The following CFAP95 variants were observed in gnomAD, a reference collection of about 807,000 sequenced individuals.
CFAP95 encodes cilia and flagella associated protein 95.
the CFAP95 span, among the ~76,000 whole-genome samples, chr9:69,835,942 C>T: frequency 3.9e-5 from 6 of 152,314 alleles, no homozygotes; most frequent in Admixed American, 2.6e-4. Context: ...TCCGCTGACA[C>T]GGAGCTGGGC....
the CFAP95 span, among the ~76,000 whole-genome samples, chr9:69,830,077 G>C: frequency 6.6e-6 from 1 of 152,208 alleles, no homozygotes; most frequent in African/African-American, 2.4e-5. Context: ...AGGTCTTACT[G>C]TGTTTCCCCT....
the CFAP95 span, among the ~76,000 whole-genome samples, chr9:69,842,018 G>A: frequency 4.6e-5 from 7 of 152,194 alleles, no homozygotes; most frequent in African/African-American, 1.7e-4. Flanking sequence ...TATTCCCAGG[G>A]TAATGTTTTC....
the CFAP95 span, among the ~76,000 whole-genome samples, chr9:69,836,216 G>A: frequency 1.3e-5 from 2 of 152,084 alleles, no homozygotes; most frequent in Non-Finnish European, 2.9e-5. Context: ...CTTTTTGGGG[G>A]AAAGTTTGGC....
the CFAP95 span, among the ~76,000 whole-genome samples, chr9:69,856,991 G>A: frequency 9.8e-3 from 1,380 of 140,626 alleles, 22 homozygotes; most frequent in African/African-American, 0.035. Context: ...ACAATTTACT[G>A]TAAAAGTTAT....
the CFAP95 span, among the ~76,000 whole-genome samples, chr9:69,831,372 A>T: frequency 1.3e-5 from 2 of 152,216 alleles, no homozygotes; most frequent in African/African-American, 4.8e-5. Context: ...AGCATTAAAT[A>T]AGCTTTTTTT....
chr9:69,844,721 C>A, the CFAP95 span: 8 of 807,658 alleles, frequency 9.9e-6, no homozygotes, highest in South Asian at 1.5e-4. Flanking sequence ...AGCACCATCC[C>A]TCGTTAACTG....
chr9:69,850,308 A>G, the CFAP95 span, among the ~76,000 whole-genome samples: 1 of 152,244 alleles, frequency 6.6e-6, no homozygotes, highest in African/African-American at 2.4e-5. Flanking sequence ...TTTTGGAACT[A>G]ACAGGACAAC....
At chr9:69,873,341 G>T in the CFAP95 span, among the ~76,000 whole-genome samples, 1 of 152,278 alleles carries the variant, frequency 6.6e-6, no homozygotes, top group African/African-American at 2.4e-5. Context: ...CTGTGGATTT[G>T]TTCTGTGGCT....
chr9:69,823,640 G>A, the CFAP95 span, among the ~76,000 whole-genome samples: 3 of 152,208 alleles, frequency 2.0e-5, no homozygotes, highest in Admixed American at 1.3e-4. Flanking sequence ...TGCATTTGAA[G>A]AGACCACCAA....
At chr9:69,876,924 T>G in the CFAP95 span, among the ~76,000 whole-genome samples, 1 of 152,246 alleles carries the variant, frequency 6.6e-6, no homozygotes, top group Non-Finnish European at 1.5e-5. Context: ...CATGAGCCAC[T>G]GCACCCAGCC....
At chr9:69,891,101 C>T in the CFAP95 span, among the ~76,000 whole-genome samples, 2 of 152,144 alleles carry the variant, frequency 1.3e-5, no homozygotes, top group African/African-American at 2.4e-5. Flanking sequence ...AGAACTGATC[C>T]AAAGCTGGCT....
chr9:69,826,740 T>C, the CFAP95 span, among the ~76,000 whole-genome samples: 3 of 152,134 alleles, frequency 2.0e-5, no homozygotes, highest in Non-Finnish European at 4.4e-5. Flanking sequence ...TTTGGATCTA[T>C]AGTTAGAAGG....
chr9:69,871,419 G>A, the CFAP95 span, among the ~76,000 whole-genome samples: 20 of 152,094 alleles, frequency 1.3e-4, no homozygotes, highest in African/African-American at 3.1e-4. Flanking sequence ...TTGAGCATAC[G>A]GTAGGAATAA....
chr9:69,825,641 A>G, the CFAP95 span, among the ~76,000 whole-genome samples: 11 of 152,158 alleles, frequency 7.2e-5, 1 homozygote, highest in African/African-American at 2.4e-4. Context: ...AGGTGATTCC[A>G]TTAGAACTGA....
At chr9:69,824,781 A>G in the CFAP95 span, among the ~76,000 whole-genome samples, 4 of 152,228 alleles carry the variant, frequency 2.6e-5, no homozygotes, top group Admixed American at 2.6e-4. Context: ...AACACACATA[A>G]TACAAGGTTA....
the CFAP95 span, among the ~76,000 whole-genome samples, chr9:69,895,355 CTCTCTCTCTCTCTCTG>C: frequency 1.6e-5 from 2 of 124,056 alleles, no homozygotes; most frequent in African/African-American, 6.4e-5. Flanking sequence ...CTCTCTCTCT[CTCTCTCTCTCTCTCTG>C]TGTGTGTGTG....
chr9:69,905,129 A>G, the CFAP95 span, among the ~76,000 whole-genome samples: 1 of 152,192 alleles, frequency 6.6e-6, no homozygotes, highest in East Asian at 1.9e-4. Context: ...CAATAAATAC[A>G]TGGACACTAT....
At chr9:69,866,217 C>T in the CFAP95 span, among the ~76,000 whole-genome samples, 2 of 152,108 alleles carry the variant, frequency 1.3e-5, no homozygotes, top group Non-Finnish European at 2.9e-5. Context: ...TCAGTATTCT[C>T]CGAGAAACAG....
At chr9:69,856,633 T>G in the CFAP95 span, 4 of 1,612,626 alleles carry the variant, frequency 2.5e-6, no homozygotes, top group Non-Finnish European at 3.4e-6. Context: ...GAGCAAGGCT[T>G]TATTGAATGA....
Sources: gnomAD v4.1 joint callset for allele counts (sites outside exome capture counted in the v4.1 genomes callset) on GRCh38, gnomAD v4.1.1 for gene constraint, MANE v1.5 for transcripts, NCBI Gene and HGNC (gene_info 2026-07-23, HGNC 2026-07-21) for gene names.